Variants in FBXL17 observed in about 807,000 individuals in gnomAD.
FBXL17 encodes the protein F-box/LRR-repeat protein 17.
FBXL17 carries 22 observed loss-of-function variants against 66.2 expected under a neutral mutation model. The observed-to-expected ratio is 0.33, with a 90% CI of 0.24 to 0.47. FBXL17 has a LOEUF of 0.47. Among genes scored for constraint, FBXL17 ranks in the 20% least tolerant of loss-of-function variants. The pLI is 1.00. For missense variants in FBXL17, 878 were observed against 948.2 expected, an observed-to-expected ratio of 0.93 and a Z score of 0.97; for synonymous variants, 474 against 400.5, an observed-to-expected ratio of 1.18 and a Z score of -2.19.
At chr5:108,182,313 A>G (rs1753036887) in intron 6 of FBXL17, among the ~76,000 whole-genome samples, 1 of 152,166 alleles carries the variant, frequency 6.6e-6, no homozygotes, top group African/African-American at 2.4e-5. Flanking sequence ...AAGGTTACTA[A>G]CCCATCTCAG....
At chr5:107,902,998 T>C (rs182002354) in intron 7 of FBXL17, among the ~76,000 whole-genome samples, 1 of 152,276 alleles carries the variant, frequency 6.6e-6, no homozygotes, top group African/African-American at 2.4e-5. Flanking sequence ...CAGTTAGTCA[T>C]TTATAAGACT....
intron 7 of FBXL17, among the ~76,000 whole-genome samples, chr5:107,966,187 C>A (rs1198313380): frequency 6.6e-6 from 1 of 152,114 alleles, no homozygotes; most frequent in Non-Finnish European, 1.5e-5. Flanking sequence ...TCTTGCAAGC[C>A]ATTGCGTTGG....
At chr5:107,992,321 T>C (rs1426018817) in intron 7 of FBXL17, among the ~76,000 whole-genome samples, 1 of 152,090 alleles carries the variant, frequency 6.6e-6, no homozygotes, top group African/African-American at 2.4e-5. Context: ...TGATTTAACA[T>C]GAAAAGTATA....
intron 6 of FBXL17, among the ~76,000 whole-genome samples, chr5:108,174,801 T>C (rs868049603): frequency 2.9e-4 from 42 of 146,526 alleles, no homozygotes; most frequent in Middle Eastern, 3.6e-3. Context: ...TCTTTTCAAT[T>C]AACACAGGTA....
chr5:108,286,864 C>T (rs1418657050), intron 4 of FBXL17, among the ~76,000 whole-genome samples: 9 of 151,852 alleles, frequency 5.9e-5, no homozygotes, highest in Non-Finnish European at 1.2e-4. Context: ...CTGGAGGCAC[C>T]ATGTTCCCTG....
At chr5:108,209,255 A>G (rs937336846) in intron 5 of FBXL17, among the ~76,000 whole-genome samples, 1 of 152,182 alleles carries the variant, frequency 6.6e-6, no homozygotes, top group African/African-American at 2.4e-5. Flanking sequence ...TGTCATCTTC[A>G]AAAAGAGACA....
At chr5:108,136,086 C>CA (rs1751122410) in intron 6 of FBXL17, among the ~76,000 whole-genome samples, 1 of 152,124 alleles carries the variant, frequency 6.6e-6, no homozygotes, top group East Asian at 1.9e-4. Context: ...TTGAAGAAAA[C>CA]ATTTTTTGTC....
intron 7 of FBXL17, among the ~76,000 whole-genome samples, chr5:107,960,913 T>C (rs1751876084): frequency 6.6e-6 from 1 of 152,180 alleles, no homozygotes; most frequent in Non-Finnish European, 1.5e-5. Context: ...GAAGTAAGTA[T>C]ACATTTTCAG....
At position 108,381,548 on chromosome 5, in the gene FBXL17, G is replaced by T; in HGVS notation, c.144C>A (p.Pro48=). The part of the protein sequence containing the change: ...PAKVPPQPAA[P]RSRDCFFRGP... ...CGCGGAAGAAGCAGTCCCGGCTCCG[G>T]GGCGCCGCCGGCTGAGGGGGCACCT... is the stretch of plus-strand genomic sequence containing the variant. The change falls in exon 1 of 9, where the codon CCC becomes CCA. Residue 48 remains proline (P), a synonymous_variant. Transcript: ENST00000542267. 1 of 1,429,070 alleles carries T rather than the reference G, an allele frequency of 7.0e-7. No individual in the cohort carries two copies. The highest frequency in any genetic ancestry group is 1.5e-5 in the African/African-American group (1 of 66,500). 88.5% of individuals were successfully genotyped at this position (1,429,070 alleles called of 1,614,324 possible).
intron 7 of FBXL17, among the ~76,000 whole-genome samples, chr5:107,890,827 G>C (rs146880079): frequency 1.5e-3 from 224 of 152,210 alleles, no homozygotes; most frequent in African/African-American, 5.2e-3. Flanking sequence ...GGAAAACAGA[G>C]GAAAAGGGAA....
At chr5:108,220,757 C>CTAA (rs1754828752) in intron 5 of FBXL17, among the ~76,000 whole-genome samples, 1 of 152,096 alleles carries the variant, frequency 6.6e-6, no homozygotes. Flanking sequence ...ACATGCAGGT[C>CTAA]CCACAGTCTA....
At chr5:108,186,639 G>A (rs1561453679) in intron 5 of FBXL17, among the ~76,000 whole-genome samples, 4 of 152,036 alleles carry the variant, frequency 2.6e-5, no homozygotes, top group East Asian at 1.9e-4. Flanking sequence ...GCGTAGTGGT[G>A]CATCCCTGTA....
intron 4 of FBXL17, among the ~76,000 whole-genome samples, chr5:108,241,965 G>A (rs112884921): frequency 2.0e-5 from 3 of 152,118 alleles, no homozygotes; most frequent in African/African-American, 7.2e-5. Context: ...TTCCCAGACC[G>A]ACAAAAGCTG....
At chr5:108,066,320 A>G (rs1748116309) in intron 6 of FBXL17, among the ~76,000 whole-genome samples, 1 of 152,174 alleles carries the variant, frequency 6.6e-6, no homozygotes, top group Non-Finnish European at 1.5e-5. Flanking sequence ...ATTCATTTCT[A>G]TAACATATAA....
At chr5:108,276,743 A>T (rs1433163120) in intron 4 of FBXL17, among the ~76,000 whole-genome samples, 1 of 152,168 alleles carries the variant, frequency 6.6e-6, no homozygotes, top group East Asian at 1.9e-4. Context: ...GTAGTTAATG[A>T]CTGAGATGTC....
chr5:107,945,228 T>A (rs1751244226), intron 7 of FBXL17, among the ~76,000 whole-genome samples: 1 of 152,094 alleles, frequency 6.6e-6, no homozygotes. Context: ...TTCACAGCAA[T>A]CGGATTGGCA....
Position 107,928,643 on chromosome 5 carries a change from T to G in FBXL17, c.1823-47464A>C, listed in dbSNP as rs576422330. Among the ~76,000 whole-genome samples, 62 of 152,190 alleles carry G rather than the reference T, an allele frequency of 4.1e-4. No homozygotes were observed. The South Asian group carries it at 0.012, about 30-fold the overall frequency. The stretch of plus-strand genomic sequence containing the variant: ...TGATCAATAGCTTCAAAAATTCATT[T>G]TTGGGGGGAAGGAGAGAGCTTGATG... On this transcript the variant is annotated intron_variant, in intron 7 of 8. Transcript: ENST00000542267.
intron 4 of FBXL17, among the ~76,000 whole-genome samples, chr5:108,282,317 T>G (rs996989559): frequency 3.3e-5 from 5 of 151,720 alleles, no homozygotes; most frequent in Non-Finnish European, 7.4e-5. Flanking sequence ...AAATATACCA[T>G]GATCAAGTGG....
intron 7 of FBXL17, among the ~76,000 whole-genome samples, chr5:107,941,812 C>A (rs1034819792): frequency 1.3e-5 from 2 of 152,126 alleles, no homozygotes; most frequent in Non-Finnish European, 2.9e-5. Flanking sequence ...TCTTATGCAT[C>A]CCCCTTCCTC....
Sources: gnomAD v4.1 joint callset for allele counts (sites outside exome capture counted in the v4.1 genomes callset) on GRCh38, gnomAD v4.1.1 for gene constraint, MANE v1.5 for transcripts, NCBI Gene and HGNC (gene_info 2026-07-23, HGNC 2026-07-21) for gene names.